The following FHIT variants were observed in gnomAD, a reference collection of about 807,000 sequenced individuals.
The protein encoded by FHIT is fragile histidine triad diadenosine triphosphatase.
A neutral mutation model predicts 17.9 loss-of-function variants in FHIT; 19 were observed. That is an observed-to-expected ratio of 1.06 (90% CI 0.74 to 1.56). The LOEUF is 1.56. Among genes scored for constraint, FHIT ranks in the 40% most tolerant of loss-of-function variants. The probability of loss-of-function intolerance (pLI) is 0.00; values close to 1 mark genes in which losing one functional copy is unlikely to be tolerated. For synonymous variants in FHIT, 81 were observed against 69.7 expected (o/e 1.16, Z -0.81); for missense variants, 248 against 189.2 (o/e 1.31, Z -1.82).
intron 8 of FHIT, among the ~76,000 whole-genome samples, chr3:59,809,479 T>C (rs1346080338): frequency 1.3e-5 from 2 of 152,234 alleles, no homozygotes; most frequent in African/African-American, 4.8e-5. Flanking sequence ...ATGCCACTCA[T>C]GTTGTGCCAA....
At chr3:61,113,809 C>T (rs992042041) in intron 2 of FHIT, among the ~76,000 whole-genome samples, 2 of 152,108 alleles carry the variant, frequency 1.3e-5, no homozygotes, top group Non-Finnish European at 2.9e-5. Context: ...GGAAGCAAGT[C>T]GAAGAAACAT....
chr3:60,649,713 CTG>C (rs1329885129), intron 4 of FHIT, among the ~76,000 whole-genome samples: 1 of 152,004 alleles, frequency 6.6e-6, no homozygotes, highest in Admixed American at 6.5e-5. Flanking sequence ...TGTAGGATAA[CTG>C]ATATTTTTTA....
chr3:60,591,380 G>A (rs941551929), intron 4 of FHIT, among the ~76,000 whole-genome samples: 19 of 133,612 alleles, frequency 1.4e-4, no homozygotes, highest in Non-Finnish European at 6.6e-5. Context: ...AAAGATGATG[G>A]ACTTAACAGA....
chr3:60,191,390 T>C (rs565434573), intron 5 of FHIT, among the ~76,000 whole-genome samples: 39 of 152,216 alleles, frequency 2.6e-4, no homozygotes, highest in Non-Finnish European at 4.3e-4. Flanking sequence ...GGTTGTCACC[T>C]AGTGAACTAC....
At chr3:60,116,511 T>G (rs894045780) in intron 5 of FHIT, among the ~76,000 whole-genome samples, 4 of 152,154 alleles carry the variant, frequency 2.6e-5, no homozygotes, top group Non-Finnish European at 5.9e-5. Flanking sequence ...AGATACTGTT[T>G]ACCTAGGAAT....
At chr3:59,799,962 G>C (rs775767872) in intron 8 of FHIT, among the ~76,000 whole-genome samples, 21 of 152,154 alleles carry the variant, frequency 1.4e-4, no homozygotes, top group Non-Finnish European at 2.5e-4. Context: ...TAATACTTGA[G>C]ACTTTACAGG....
intron 5 of FHIT, among the ~76,000 whole-genome samples, chr3:60,037,039 T>C (rs1189132842): frequency 6.6e-6 from 1 of 152,184 alleles, no homozygotes; most frequent in Non-Finnish European, 1.5e-5. Flanking sequence ...TGCTAAATCT[T>C]GGACAGTTCT....
intron 3 of FHIT, among the ~76,000 whole-genome samples, chr3:60,968,575 G>A (rs1709858466): frequency 6.6e-6 from 1 of 152,044 alleles, no homozygotes; most frequent in Non-Finnish European, 1.5e-5. Flanking sequence ...ACCACACCCA[G>A]CTAGTTTTTG....
intron 4 of FHIT, among the ~76,000 whole-genome samples, chr3:60,566,774 A>C (rs2037150712): frequency 6.6e-6 from 1 of 151,840 alleles, no homozygotes; most frequent in African/African-American, 2.4e-5. Context: ...CAAGATACAA[A>C]ATCAATGTGC....
intron 8 of FHIT, among the ~76,000 whole-genome samples, chr3:59,820,237 AC>A (rs1700740888): frequency 6.6e-6 from 1 of 152,236 alleles, no homozygotes. Context: ...AGAACCCAGG[AC>A]TTGGATTTTA....
intron 5 of FHIT, among the ~76,000 whole-genome samples, chr3:60,375,348 C>G (rs1248733658): frequency 6.6e-6 from 1 of 150,886 alleles, no homozygotes; most frequent in Non-Finnish European, 1.5e-5. Flanking sequence ...GTGGGAGGAT[C>G]ACCTGAGTTC....
chr3:60,501,765 C>A (rs1258072015), intron 5 of FHIT, among the ~76,000 whole-genome samples: 1 of 152,188 alleles, frequency 6.6e-6, no homozygotes, highest in Non-Finnish European at 1.5e-5. Context: ...ACTTTTGGAA[C>A]CACTACTTTC....
chr3:60,539,944 A>T (rs564857877), intron 4 of FHIT, among the ~76,000 whole-genome samples: 10 of 150,020 alleles, frequency 6.7e-5, no homozygotes, highest in South Asian at 2.1e-4. Context: ...GTATAATAAA[A>T]ATATATATAT....
intron 5 of FHIT, among the ~76,000 whole-genome samples, chr3:60,534,099 A>T (rs559276124): frequency 5.5e-4 from 84 of 152,312 alleles, no homozygotes; most frequent in African/African-American, 2.0e-3. Flanking sequence ...ACAAAAGACT[A>T]GAGCTTTCTG....
chr3:60,274,575 G>T (rs1317774062), intron 5 of FHIT, among the ~76,000 whole-genome samples: 3 of 152,146 alleles, frequency 2.0e-5, no homozygotes, highest in Non-Finnish European at 4.4e-5. Flanking sequence ...ACAAAAACTT[G>T]TCTATAACAA....
intron 5 of FHIT, among the ~76,000 whole-genome samples, chr3:60,362,318 T>A (rs1211119606): frequency 6.6e-6 from 1 of 152,176 alleles, no homozygotes; most frequent in Admixed American, 6.5e-5. Flanking sequence ...ATCCTATATA[T>A]CTGCTGGTTG....
intron 7 of FHIT, among the ~76,000 whole-genome samples, chr3:60,009,229 G>GTA (rs1458580107): frequency 1.6e-5 from 2 of 124,958 alleles, no homozygotes; most frequent in African/African-American, 6.9e-5. Context: ...GTGTGTGTGT[G>GTA]TATGGTGGTT....
chr3:61,223,344 A>G (rs1408106053), intron 1 of FHIT, among the ~76,000 whole-genome samples: 1 of 152,192 alleles, frequency 6.6e-6, no homozygotes, highest in South Asian at 2.1e-4. Flanking sequence ...AACTGTCAGA[A>G]TAACAGAAAG....
At chr3:59,806,401 C>T (rs1700198262) in intron 8 of FHIT, among the ~76,000 whole-genome samples, 1 of 152,044 alleles carries the variant, frequency 6.6e-6, no homozygotes, top group South Asian at 2.1e-4. Context: ...GAAACTGAAC[C>T]TAGTTCTTAG....
Sources: gnomAD v4.1 joint callset for allele counts (sites outside exome capture counted in the v4.1 genomes callset) on GRCh38, gnomAD v4.1.1 for gene constraint, MANE v1.5 for transcripts, NCBI Gene and HGNC (gene_info 2026-07-23, HGNC 2026-07-21) for gene names.